The following LAPTM4A variants were observed in gnomAD, a reference collection of about 807,000 sequenced individuals.
The protein encoded by LAPTM4A is lysosomal-associated transmembrane protein 4A.
Under a neutral mutation model 29.9 loss-of-function variants are expected in LAPTM4A, and 19 were observed. The observed-to-expected ratio is 0.64, with a 90% CI of 0.44 to 0.93. The LOEUF is 0.93. Ranked by LOEUF, LAPTM4A falls within the 40% of genes least tolerant of loss-of-function variation. The pLI, the probability that LAPTM4A is intolerant of heterozygous loss-of-function variation, is 0.00. For missense variants in LAPTM4A, 293 were observed against 288.5 expected, an observed-to-expected ratio of 1.02 and a Z score of -0.11; for synonymous variants, 105 against 102.1, an observed-to-expected ratio of 1.03 and a Z score of -0.17.
Position 20,033,072 on chromosome 2 carries a change from T to C in LAPTM4A, c.*133A>G, listed in dbSNP as rs1673598529. The C allele has an allele frequency of 8.0e-6, 6 of 747,454 alleles. No homozygotes were observed. The highest frequency in any genetic ancestry group is 1.4e-5 in the Non-Finnish European group (6 of 437,136). The allele number at this position is 747,454 out of a possible 1,614,324, so 46.3% of individuals were successfully genotyped here. ...CAGATGTCAAAAAGCTCCTTAGTGT[T>C]TGAAAATAAATGCTTAAACAAAAGA... On this transcript the variant is annotated 3_prime_UTR_variant, in exon 7 of 7. Transcript: ENST00000175091.
chr2:20,038,133 C>A (rs963146014), intron 2 of LAPTM4A, among the ~76,000 whole-genome samples: 1 of 152,164 alleles, frequency 6.6e-6, no homozygotes, highest in Non-Finnish European at 1.5e-5. Context: ...ATACATTACC[C>A]TTTGCTCTAG....
intron 1 of LAPTM4A, among the ~76,000 whole-genome samples, chr2:20,047,438 C>T (rs183191339): frequency 0.017 from 2,507 of 149,120 alleles, 45 homozygotes; most frequent in East Asian, 0.047. Context: ...CGCCTGTAAT[C>T]CCAGCACTTT....
Position 20,034,305 on chromosome 2 carries a change from A to G in LAPTM4A, c.627+12T>C. 6.3e-7 allele frequency: 1 copy of G among 1,580,738 alleles called. No individual in the cohort carries two copies. On this transcript the variant is annotated intron_variant, in intron 6 of 6. Coordinates refer to ENST00000175091, the MANE Select transcript of LAPTM4A (RefSeq NM_014713.5). ...GACTGGTGACCTTTTACTCTATCCAACAGTAGCTAACCTGAGGAGGTGCTT... is the reference window on the plus strand; with the variant it reads ...GACTGGTGACCTTTTACTCTATCCAGCAGTAGCTAACCTGAGGAGGTGCTT...
chr2:20,038,715 C>T (rs929175550), intron 2 of LAPTM4A, among the ~76,000 whole-genome samples: 2 of 152,096 alleles, frequency 1.3e-5, no homozygotes, highest in Non-Finnish European at 2.9e-5. Flanking sequence ...CGGCAACCCA[C>T]ACCTGTAATC....
chr2:20,051,591 G>T lies in LAPTM4A; in HGVS notation c.-71C>A. ...CTCCACCCGCAGCCAAACTCAAACG[G>T]CTGTTTCACGGCCTCCAAAACCCAA... On this transcript the variant is annotated 5_prime_UTR_variant, in exon 1 of 7. Coordinates refer to ENST00000175091, the MANE Select transcript of LAPTM4A (RefSeq NM_014713.5). 2.0e-6 allele frequency: 2 copies of T among 987,972 alleles called. No individual in the cohort carries two copies. Among genetic ancestry groups the T allele is most frequent in the Non-Finnish European group, 3.1e-6 (2 of 652,714 alleles). 61.2% of individuals were successfully genotyped at this position (987,972 alleles called of 1,614,324 possible).
At chr2:20,044,692 A>T (rs889063953) in intron 1 of LAPTM4A, among the ~76,000 whole-genome samples, 2 of 152,244 alleles carry the variant, frequency 1.3e-5, no homozygotes, top group Admixed American at 6.5e-5. Context: ...CTTCAAGTTT[A>T]ATTTCACTGT....
chr2:20,051,007 G>A (rs1469270853), intron 1 of LAPTM4A, among the ~76,000 whole-genome samples: 1 of 152,294 alleles, frequency 6.6e-6, no homozygotes, highest in South Asian at 2.1e-4. Flanking sequence ...TTCATTAGAG[G>A]AAAAAATTCC....
intron 6 of LAPTM4A, among the ~76,000 whole-genome samples, chr2:20,033,696 T>C (rs541366053): frequency 2.6e-5 from 4 of 152,298 alleles, no homozygotes; most frequent in South Asian, 2.1e-4. Context: ...CAGAATCAGT[T>C]TGTAGTCAGA....
intron 1 of LAPTM4A, among the ~76,000 whole-genome samples, chr2:20,045,302 T>C (rs1300800699): frequency 6.6e-6 from 1 of 152,164 alleles, no homozygotes; most frequent in Non-Finnish European, 1.5e-5. Flanking sequence ...AAAAATGTAA[T>C]TTAAAAAGAA....
intron 1 of LAPTM4A, among the ~76,000 whole-genome samples, chr2:20,049,191 T>A (rs990986688): frequency 3.9e-5 from 6 of 152,204 alleles, no homozygotes. Context: ...TAGCAGGTAA[T>A]AGGAAAACAA....
intron 2 of LAPTM4A, among the ~76,000 whole-genome samples, chr2:20,038,378 C>G (rs1043684223): frequency 6.6e-6 from 1 of 152,196 alleles, no homozygotes; most frequent in Non-Finnish European, 1.5e-5. Context: ...GCCTGACTTA[C>G]TGAATTTCTT....
At chr2:20,042,354 C>T (rs894543960) in intron 1 of LAPTM4A, among the ~76,000 whole-genome samples, 1 of 152,196 alleles carries the variant, frequency 6.6e-6, no homozygotes, top group African/African-American at 2.4e-5. Context: ...TGCTAAGCTC[C>T]CACCTGTACA....
intron 2 of LAPTM4A, 41 bp from the exon 3 acceptor site, chr2:20,037,655 C>CA (rs1390916071): frequency 7.6e-7 from 1 of 1,312,168 alleles, no homozygotes; most frequent in Non-Finnish European, 1.1e-6. Flanking sequence ...GCTACTTACA[C>CA]AACAAAAAGA....
rs551972483 is a variant in LAPTM4A, at chr2:20,047,518, G to A, written c.111+3892C>T. Among the ~76,000 whole-genome samples the A allele has an allele frequency of 1.5e-4, 22 of 146,952 alleles. No homozygotes were observed. The South Asian group carries it at 4.4e-3, about 29-fold the overall frequency. On this transcript the variant is annotated intron_variant, in intron 1 of 6. Coordinates refer to ENST00000175091, the MANE Select transcript of LAPTM4A (RefSeq NM_014713.5). The stretch of plus-strand genomic sequence containing the variant: ...ATCCTGGCTAACAAGGTGAAACCCC[G>A]TCTCTACTAAAAATACAAAAAATTA...
At position 20,051,477 on chromosome 2, in the gene LAPTM4A, T is replaced by A; in HGVS notation, c.44A>T (p.Tyr15Phe). 1 of 1,613,210 alleles carries A rather than the reference T, an allele frequency of 6.2e-7. No individual in the cohort carries two copies. Among genetic ancestry groups the A allele is most frequent in the Non-Finnish European group, 8.5e-7 (1 of 1,179,612 alleles). ...SFKRNRSDRFYSTRCCGCCHV... is the reference protein window; with the variant it reads ...SFKRNRSDRFFSTRCCGCCHV... Reference sequence around the variant, plus strand: ...GCAACAGCCGCAGCACCGGGTGCTGTAGAACCGGTCACTGCGGTTCCGCTT... The same window carrying A: ...GCAACAGCCGCAGCACCGGGTGCTGAAGAACCGGTCACTGCGGTTCCGCTT... Residue 15 changes from tyrosine (Y) to phenylalanine (F), a missense_variant, in exon 1 of 7, where the codon TAC (tyrosine) becomes TTC (phenylalanine). Transcript: ENST00000175091.
At chr2:20,037,095 A>G (rs1673692895) in intron 4 of LAPTM4A, among the ~76,000 whole-genome samples, 1 of 152,170 alleles carries the variant, frequency 6.6e-6, no homozygotes, top group Non-Finnish European at 1.5e-5. Flanking sequence ...ATTTCTAGGA[A>G]CTCTTAATAC....
In LAPTM4A at chr2:20,037,579, T is replaced by A. The variant is rs758140793; in HGVS notation, c.268A>T (p.Met90Leu). The A allele has an allele frequency of 1.2e-6, 2 of 1,609,378 alleles. No individual in the cohort carries two copies. The highest frequency in any genetic ancestry group is 1.7e-6 in the Non-Finnish European group (2 of 1,178,240). The change falls in exon 3 of 7, where the codon ATG becomes TTG. Residue 90 changes from methionine (M) to leucine (L), a missense_variant. Coordinates refer to ENST00000175091, the MANE Select transcript of LAPTM4A (RefSeq NM_014713.5). ...ACCAGCATTGAACTGATTATAAACA[T>A]AAGAACAGAGACGGCAAAAAGAACA... is the stretch of plus-strand genomic sequence containing the variant. ...ACVLFAVSVL[M>L]FIISSMLVYG... is the part of the protein sequence containing the mutation.
At chr2:20,050,923 G>C (rs1023243461) in intron 1 of LAPTM4A, among the ~76,000 whole-genome samples, 13 of 152,334 alleles carry the variant, frequency 8.5e-5, no homozygotes. Flanking sequence ...GGTTACCGCT[G>C]GATCTTTCGC....
At chr2:20,051,283 G>A (rs761073577) in intron 1 of LAPTM4A, 127 bp downstream of exon 1, 19 of 694,544 alleles carry the variant, frequency 2.7e-5, no homozygotes, top group Non-Finnish European at 4.4e-5. Flanking sequence ...GAGTTGGCGC[G>A]CCTTAAAAAG....
Sources: gnomAD v4.1 joint callset for allele counts (sites outside exome capture counted in the v4.1 genomes callset) on GRCh38, gnomAD v4.1.1 for gene constraint, MANE v1.5 for transcripts, NCBI Gene and HGNC (gene_info 2026-07-23, HGNC 2026-07-21) for gene names.